CTNNA2: variants seen among roughly 807,000 people sequenced by gnomAD.
CTNNA2 encodes the protein catenin alpha-2.
A neutral mutation model predicts 101.0 loss-of-function variants in CTNNA2; 42 were observed. The observed-to-expected ratio is 0.42, with a 90% CI of 0.32 to 0.54. The LOEUF is 0.54. CTNNA2 is among the 20% of genes least tolerant of loss of function. The pLI is 0.14. For missense variants in CTNNA2, 871 were observed against 1,223.1 expected, an observed-to-expected ratio of 0.71 and a Z score of 4.29; for synonymous variants, 450 against 456.4, an observed-to-expected ratio of 0.99 and a Z score of 0.18.
chr2:80,223,422 G>A (rs991216279), intron 7 of CTNNA2, among the ~76,000 whole-genome samples: 4 of 152,270 alleles, frequency 2.6e-5, no homozygotes, highest in African/African-American at 7.2e-5. Flanking sequence ...TTATAGGCAT[G>A]AGCCACCATG....
chr2:80,310,483 A>G (rs894902535), intron 7 of CTNNA2, among the ~76,000 whole-genome samples: 7 of 152,190 alleles, frequency 4.6e-5, no homozygotes, highest in Non-Finnish European at 8.8e-5. Flanking sequence ...GCAGAGTTGC[A>G]TGGTAATTGA....
intron 2 of CTNNA2, among the ~76,000 whole-genome samples, chr2:79,715,734 A>T (rs532072035): frequency 1.3e-5 from 2 of 152,290 alleles, no homozygotes; most frequent in South Asian, 4.1e-4. Context: ...TGGTAAAAAG[A>T]AATATATGTA....
intron 6 of CTNNA2, among the ~76,000 whole-genome samples, chr2:79,907,534 T>G (rs1685506844): frequency 6.6e-6 from 1 of 152,120 alleles, no homozygotes; most frequent in South Asian, 2.1e-4. Flanking sequence ...TTTGGGACTT[T>G]CACCTGTAAT....
intron 3 of CTNNA2, among the ~76,000 whole-genome samples, chr2:79,848,364 G>A (rs1680405779): frequency 6.6e-6 from 1 of 152,152 alleles, no homozygotes; most frequent in East Asian, 1.9e-4. Flanking sequence ...ACTGTTTAAC[G>A]TTTCCTAATT....
intron 8 of CTNNA2, among the ~76,000 whole-genome samples, chr2:80,407,388 A>G (rs539306961): frequency 2.4e-4 from 36 of 152,366 alleles, no homozygotes; most frequent in African/African-American, 7.7e-4. Flanking sequence ...TGAGAGGCAT[A>G]TAAGACTAAA....
At chr2:79,551,918 G>A (rs1268004758) in intron 1 of CTNNA2, among the ~76,000 whole-genome samples, 1 of 152,040 alleles carries the variant, frequency 6.6e-6, no homozygotes, top group Non-Finnish European at 1.5e-5. Context: ...CTCCAACATT[G>A]GTGATTATAA....
Position 80,447,758 on chromosome 2 carries a change from G to A in CTNNA2, c.1290+28157G>A, listed in dbSNP as rs572441194. On this transcript the variant is annotated intron_variant, in intron 9 of 18. Transcript: ENST00000402739. ...ACCCAACCTTTCAAACAAACACATG[G>A]GTGGGAATTTTCTTTAGTTCACCCT... Among the ~76,000 whole-genome samples the A allele has an allele frequency of 2.6e-5, 4 of 151,790 alleles. No homozygotes were observed. The South Asian group carries it at 8.3e-4, about 31-fold the overall frequency.
chr2:79,884,907 A>G (rs1683732135), intron 6 of CTNNA2, among the ~76,000 whole-genome samples: 1 of 152,146 alleles, frequency 6.6e-6, no homozygotes, highest in Non-Finnish European at 1.5e-5. Context: ...CAAGAATTGT[A>G]TGTAGGCTAA....
At chr2:80,462,470 C>A (rs1684505452) in intron 9 of CTNNA2, among the ~76,000 whole-genome samples, 1 of 151,918 alleles carries the variant, frequency 6.6e-6, no homozygotes, top group Non-Finnish European at 1.5e-5. Flanking sequence ...TGAGTTATAT[C>A]TGTTGTAGGC....
intron 4 of CTNNA2, among the ~76,000 whole-genome samples, chr2:79,867,750 A>G (rs1224967428): frequency 2.0e-5 from 3 of 152,204 alleles, no homozygotes; most frequent in African/African-American, 7.2e-5. Context: ...TTAACAGCCT[A>G]TGAGAAGCCT....
intron 18 of CTNNA2, among the ~76,000 whole-genome samples, chr2:80,624,347 G>A (rs3755111): frequency 0.49 from 74,159 of 151,794 alleles, 18,162 homozygotes; most frequent in Middle Eastern, 0.56. Flanking sequence ...TGTTAATTAT[G>A]TATGTTTAAA....
At chr2:80,158,941 T>C (rs971868703) in intron 7 of CTNNA2, among the ~76,000 whole-genome samples, 9 of 151,670 alleles carry the variant, frequency 5.9e-5, no homozygotes, top group African/African-American at 2.2e-4. Flanking sequence ...GTCATACAAA[T>C]GGAACCATAC....
At chr2:79,938,734 A>G (rs532645771) in intron 7 of CTNNA2, among the ~76,000 whole-genome samples, 2 of 152,338 alleles carry the variant, frequency 1.3e-5, no homozygotes, top group South Asian at 4.1e-4. Context: ...AGTATTATCT[A>G]GAACACTTTA....
chr2:79,743,967 A>C (rs1459320995), intron 2 of CTNNA2, among the ~76,000 whole-genome samples: 1 of 152,120 alleles, frequency 6.6e-6, no homozygotes, highest in Non-Finnish European at 1.5e-5. Flanking sequence ...CTCTGCCCTG[A>C]CTTACAGGGC....
At chr2:79,537,064 G>T (rs1673119836) in intron 1 of CTNNA2, among the ~76,000 whole-genome samples, 1 of 152,102 alleles carries the variant, frequency 6.6e-6, no homozygotes, top group South Asian at 2.1e-4. Flanking sequence ...GCCACTGTTT[G>T]CAAAATTGCC....
chr2:80,216,243 A>C (rs1259411036), intron 7 of CTNNA2, among the ~76,000 whole-genome samples: 1 of 152,054 alleles, frequency 6.6e-6, no homozygotes, highest in East Asian at 1.9e-4. Context: ...GCTTCGGCTC[A>C]CACTGCGTGG....
At chr2:79,741,769 G>A (rs1287722671) in intron 2 of CTNNA2, among the ~76,000 whole-genome samples, 1 of 151,882 alleles carries the variant, frequency 6.6e-6, no homozygotes, top group Non-Finnish European at 1.5e-5. Context: ...ATTTTCTTAA[G>A]AATCATATTC....
chr2:80,071,279 A>G (rs1444876949), intron 7 of CTNNA2, among the ~76,000 whole-genome samples: 1 of 152,266 alleles, frequency 6.6e-6, no homozygotes, highest in Non-Finnish European at 1.5e-5. Flanking sequence ...TTGTAACAAG[A>G]AAGAAAGGAG....
rs563733205 is a variant in CTNNA2 at position 80,596,495 on chromosome 2, G to A, written c.2189+7010G>A. On this transcript the variant is annotated intron_variant, in intron 15 of 18. Coordinates refer to ENST00000402739, the MANE Select transcript of CTNNA2 (RefSeq NM_001282597.3). ...CGGCTAATTTTTTTGTGTGTTTTTA[G>A]TAGAGACGGGGCTTCACCGTGTTCG... is the stretch of plus-strand genomic sequence containing the variant. 9.3e-5 allele frequency among the ~76,000 whole-genome samples: 14 copies of A among 150,912 alleles called. No homozygotes were observed. In the South Asian group the frequency reaches 2.7e-3, roughly 30 times the overall value.
Sources: allele counts gnomAD v4.1 joint callset (sites outside exome capture counted in the v4.1 genomes callset), GRCh38; gene constraint gnomAD v4.1.1; transcripts MANE v1.5; gene names NCBI Gene and HGNC (gene_info 2026-07-23, HGNC 2026-07-21).